Variants in AAMDC observed in about 807,000 individuals in gnomAD.
The protein encoded by AAMDC is mth938 domain-containing protein.
Under a neutral mutation model 15.5 loss-of-function variants are expected in AAMDC, and 16 were observed. That is an observed-to-expected ratio of 1.03 (90% CI 0.70 to 1.57). The LOEUF (loss-of-function observed/expected upper bound fraction) is 1.57, where lower values mean the gene tolerates loss of function less well. AAMDC is among the 40% of genes most tolerant of loss of function. AAMDC has a pLI of 0.00. For synonymous variants in AAMDC, 51 were observed against 51.6 expected (o/e 0.99, Z 0.05); for missense variants, 141 against 144.9 (o/e 0.97, Z 0.14).
At chr11:77,835,552 C>T (rs1407447694) in intron 1 of AAMDC, among the ~76,000 whole-genome samples, 1 of 152,184 alleles carries the variant, frequency 6.6e-6, no homozygotes, top group African/African-American at 2.4e-5. Flanking sequence ...GACATTTTAT[C>T]TCCCAGGAAG....
intron 2 of AAMDC, among the ~76,000 whole-genome samples, chr11:77,842,928 T>C (rs2136140588): frequency 6.6e-6 from 1 of 152,280 alleles, no homozygotes; most frequent in African/African-American, 2.4e-5. Flanking sequence ...TCAGTGCCCA[T>C]TTACTACCAC....
chr11:77,847,921 A>G lies in AAMDC; in HGVS notation c.132+5293A>G, dbSNP rs201839228. ...AAATCCCAGTCCAAGAGCAGAAGAA[A>G]TTGAGATGAGATGTCCCAGTTAAAA... On this transcript the variant is annotated intron_variant, in intron 2 of 3. Coordinates refer to ENST00000393427, the MANE Select transcript of AAMDC (RefSeq NM_024684.4). 2.6e-5 allele frequency among the ~76,000 whole-genome samples: 4 copies of G among 152,270 alleles called. No individual in the cohort carries two copies. In the East Asian group the frequency reaches 5.8e-4, roughly 22 times the overall value.
downstream of AAMDC, among the ~76,000 whole-genome samples, chr11:77,902,900 A>G (rs1297615121): frequency 6.6e-6 from 1 of 152,192 alleles, no homozygotes; most frequent in Admixed American, 6.5e-5. Flanking sequence ...CTAAAGATAT[A>G]AACAACCTTA....
intron 2 of AAMDC, chr11:77,868,657 T>C (rs1951244088): frequency 6.4e-6 from 1 of 157,058 alleles, no homozygotes; most frequent in Non-Finnish European, 1.4e-5. Flanking sequence ...TTTTTTTTAA[T>C]GTACAGTCCA....
At chr11:77,886,446 G>A (rs528451015) in intron 5 of AAMDC, among the ~76,000 whole-genome samples, 6 of 152,314 alleles carry the variant, frequency 3.9e-5, no homozygotes, top group African/African-American at 7.2e-5. Flanking sequence ...GGCCCGCGGC[G>A]GGTGTTGATG....
At chr11:77,854,358 A>T (rs1430958125) in intron 2 of AAMDC, among the ~76,000 whole-genome samples, 1 of 152,160 alleles carries the variant, frequency 6.6e-6, no homozygotes, top group Non-Finnish European at 1.5e-5. Flanking sequence ...CTCATCTCAT[A>T]CAAGGCAAGT....
intron 2 of AAMDC, chr11:77,869,302 A>ATCTC (rs199686390): frequency 2.5e-4 from 35 of 137,630 alleles, no homozygotes; most frequent in Non-Finnish European, 3.8e-4. Flanking sequence ...TCGTTTATTT[A>ATCTC]TCTCTTTTTC....
intron 2 of AAMDC, among the ~76,000 whole-genome samples, chr11:77,852,562 A>G (rs977452700): frequency 6.6e-6 from 1 of 152,142 alleles, no homozygotes; most frequent in African/African-American, 2.4e-5. Flanking sequence ...TTACAATTCA[A>G]CATGAGATTT....
chr11:77,858,819 T>C (rs547971482), intron 2 of AAMDC, among the ~76,000 whole-genome samples: 1 of 152,326 alleles, frequency 6.6e-6, no homozygotes, highest in South Asian at 2.1e-4. Flanking sequence ...GTCTTAGTCA[T>C]GGACTGCATC....
intron 2 of AAMDC, among the ~76,000 whole-genome samples, chr11:77,847,947 T>C (rs1239782521): frequency 6.6e-6 from 1 of 152,092 alleles, no homozygotes; most frequent in Non-Finnish European, 1.5e-5. Context: ...CCAGTTAAAA[T>C]GGTGAGGCAG....
At chr11:77,823,792 G>C (rs187849699) in intron 1 of AAMDC, among the ~76,000 whole-genome samples, 225 of 151,946 alleles carry the variant, frequency 1.5e-3, no homozygotes, top group Admixed American at 3.9e-3. Flanking sequence ...AATTTCTATG[G>C]AAAGAACCTT....
chr11:77,848,524 A>AT (rs1434333710), intron 2 of AAMDC, among the ~76,000 whole-genome samples: 3 of 151,788 alleles, frequency 2.0e-5, no homozygotes, highest in South Asian at 2.1e-4. Context: ...CACTTGGCTA[A>AT]TTTTTTTGTA....
Position 77,863,563 on chromosome 11 carries a change from A to C in AAMDC, c.133-6159A>C, listed in dbSNP as rs187608933. 4.5e-4 allele frequency among the ~76,000 whole-genome samples: 68 copies of C among 152,198 alleles called. 1 individual carries two copies. In the East Asian group the frequency reaches 0.012, roughly 28 times the overall value. On this transcript the variant is annotated intron_variant, in intron 2 of 3. Transcript: ENST00000393427. ...GCCACTACGCCTGGCTAATTTCTGT[A>C]ATTTTAGTAGAGACAGGGTTTCACT...
In AAMDC at chr11:77,848,503, AC is replaced by A. The variant is rs532491034; in HGVS notation, c.132+5878del. Among the ~76,000 whole-genome samples the A allele has an allele frequency of 1.1e-4, 17 of 152,088 alleles. No individual in the cohort carries two copies. In the East Asian group the frequency reaches 3.3e-3, roughly 30 times the overall value. ...CTCCCGAGTAGCTGGGATTACAGGC[AC>A]CCACCACCTCACTTGGCTAATTTTT... On this transcript the variant is annotated intron_variant, in intron 2 of 3. Transcript: ENST00000393427.
intron 5 of AAMDC, among the ~76,000 whole-genome samples, chr11:77,895,421 A>T (rs1267725304): frequency 6.6e-6 from 1 of 151,314 alleles, no homozygotes; most frequent in Non-Finnish European, 1.5e-5. Context: ...TTCCTAGCAC[A>T]GGCAGCAGTC....
At chr11:77,899,527 G>T (rs543722316) in intron 5 of AAMDC, among the ~76,000 whole-genome samples, 2 of 151,768 alleles carry the variant, frequency 1.3e-5, no homozygotes, top group African/African-American at 4.9e-5. Context: ...AAAATTAGCC[G>T]GGCATGGTGT....
At chr11:77,879,167 C>G (rs1951695875) in intron 5 of AAMDC, 1 of 1,605,586 alleles carries the variant, frequency 6.2e-7, no homozygotes, top group Non-Finnish European at 8.5e-7. Flanking sequence ...AACTAGGCAA[C>G]TGCTAGGAAT....
At chr11:77,868,058 CT>C (rs35305436) in intron 2 of AAMDC, among the ~76,000 whole-genome samples, 146 of 137,016 alleles carry the variant, frequency 1.1e-3, no homozygotes, top group Non-Finnish European at 1.3e-3. Flanking sequence ...TCCTCTGAGC[CT>C]TTTTTTTTTT....
intron 5 of AAMDC, among the ~76,000 whole-genome samples, chr11:77,889,803 T>TTTTAG (rs1238214726): frequency 1.3e-5 from 2 of 152,202 alleles, no homozygotes; most frequent in Non-Finnish European, 2.9e-5. Flanking sequence ...TCCCTCTACC[T>TTTTAG]ATAAGGTATC....
Sources: gnomAD v4.1 joint callset for allele counts (sites outside exome capture counted in the v4.1 genomes callset) on GRCh38, gnomAD v4.1.1 for gene constraint, MANE v1.5 for transcripts, NCBI Gene and HGNC (gene_info 2026-07-23, HGNC 2026-07-21) for gene names.